The following COL6A3 variants were observed in gnomAD, a reference collection of about 807,000 sequenced individuals.
COL6A3 encodes collagen alpha-3(VI) chain.
COL6A3 carries 137 observed loss-of-function variants against 274.1 expected under a neutral mutation model. The ratio of observed to expected loss-of-function variants is 0.50; its 90% CI spans 0.44 to 0.58. The LOEUF is 0.58. Among genes scored for constraint, COL6A3 ranks in the 20% least tolerant of loss-of-function variants. The pLI is 0.00. For synonymous variants in COL6A3, 1,650 were observed against 1,650.6 expected (o/e 1.00, Z 0.01); for missense variants, 3,950 against 4,124.9 (o/e 0.96, Z 1.16).
At chr2:237,357,786 A>G in intron 22 of COL6A3, 31 bp downstream of exon 22, 1 of 1,610,078 alleles carries the variant, frequency 6.2e-7, no homozygotes, top group Non-Finnish European at 8.5e-7. Flanking sequence ...CCCTCAGTAC[A>G]GGGAGAGTCT....
At chr2:237,385,827 T>C (rs2078130531) in intron 4 of COL6A3, among the ~76,000 whole-genome samples, 1 of 152,182 alleles carries the variant, frequency 6.6e-6, no homozygotes, top group Non-Finnish European at 1.5e-5. Flanking sequence ...TCCATTTGCA[T>C]TCAGAACATT....
intron 31 of COL6A3, among the ~76,000 whole-genome samples, 181 bp downstream of exon 31, chr2:237,347,626 G>A (rs974245451): frequency 6.6e-6 from 1 of 152,206 alleles, no homozygotes; most frequent in Non-Finnish European, 1.5e-5. Flanking sequence ...GAGAGCCATG[G>A]ACCACAGCCA....
At position 237,343,514 on chromosome 2, in the gene COL6A3, CAAAAAAAAAAAAAAAAA is replaced by C. The variant is rs56037595; in HGVS notation, c.7668+819_7668+835del. The C allele has an allele frequency of 4.3e-4, 18 of 42,168 alleles. 1 individual carries two copies. Among genetic ancestry groups the C allele is most frequent in the African/African-American group, 1.5e-3 (15 of 10,186 alleles). The allele number at this position is 42,168 out of a possible 1,614,324, so 2.6% of individuals were successfully genotyped here. A position where few individuals can be genotyped will look rare whatever the true frequency, so the allele number is the denominator to read the frequency against. On this transcript the variant is annotated intron_variant, in intron 36 of 43. Coordinates refer to ENST00000295550, the MANE Select transcript of COL6A3 (RefSeq NM_004369.4). ...TGGGTGACAGAGCAAGACTCTGTCT[CAAAAAAAAAAAAAAAAA>C]AAAAAAAAAAAAAAAAAAAAAAAAA...
chr2:237,335,227 T>C (rs1470829296), intron 40 of COL6A3, among the ~76,000 whole-genome samples: 1 of 152,232 alleles, frequency 6.6e-6, no homozygotes, highest in Non-Finnish European at 1.5e-5. Flanking sequence ...ATTTAAAATA[T>C]ATTAAGTCAT....
At chr2:237,330,565 G>T (rs1480682606) in intron 42 of COL6A3, among the ~76,000 whole-genome samples, 3 of 152,172 alleles carry the variant, frequency 2.0e-5, no homozygotes, top group Non-Finnish European at 4.4e-5. Flanking sequence ...AATCCTGAGT[G>T]GTTGCTAACG....
Position 237,361,850 on chromosome 2 carries a change from A to G in COL6A3, c.6064-19T>C. On this transcript the variant is annotated intron_variant, in intron 14 of 43. Transcript: ENST00000295550. The surrounding 1 kb of genome is among the most constrained non-coding windows in gnomAD (Gnocchi z 5.1). The stretch of plus-strand genomic sequence containing the variant: ...TGTTGTCCTACCGAAAGGAAGAGAA[A>G]CCAAATGTTCAGATCTCAAGAAATG... The G allele has an allele frequency of 1.9e-6, 3 of 1,608,300 alleles. No homozygotes were observed. Among genetic ancestry groups the G allele is most frequent in the African/African-American group, 2.7e-5 (2 of 74,936 alleles).
At chr2:237,345,014 T>C (rs998312482) in intron 34 of COL6A3, 44 bp downstream of exon 34, 4 of 1,614,196 alleles carry the variant, frequency 2.5e-6, no homozygotes, top group South Asian at 1.1e-5. Context: ...GAATTTCGAA[T>C]GTAAAAATAT....
In COL6A3 at chr2:237,381,061, T is replaced by C. The variant is rs375285237; in HGVS notation, c.1751A>G (p.Asn584Ser). The change falls in exon 5 of 44, where the codon AAC (asparagine) becomes AGC (serine). Residue 584 changes from asparagine to serine, a missense_variant. Coordinates refer to ENST00000295550, the MANE Select transcript of COL6A3 (RefSeq NM_004369.4). ...CAGCTCAGCCTGATCGGCACCCTTG[T>C]TCCCAATGGCAAAGGCCATTATGCT... is the stretch of plus-strand genomic sequence containing the variant. ...RSSIMAFAIG[N>S]KGADQAELEE... 89 of 1,614,110 alleles carry C rather than the reference T, an allele frequency of 5.5e-5. No homozygotes were observed. Among genetic ancestry groups the C allele is most frequent in the Non-Finnish European group, 7.3e-5 (86 of 1,180,042 alleles).
intron 1 of COL6A3, among the ~76,000 whole-genome samples, chr2:237,408,322 C>T (rs1056759311): frequency 3.3e-5 from 5 of 152,184 alleles, no homozygotes; most frequent in Admixed American, 6.5e-5. Flanking sequence ...GCCTGTTGCT[C>T]GAACAGGCCA....
chr2:237,324,585 G>A lies in COL6A3; in HGVS notation c.*189C>T, dbSNP rs868325222. ...AGAACTGCCTGGAGACAGAGAGCGAGGGTCCACAGACACATTAGCACCATA... is the reference window on the plus strand; with the variant it reads ...AGAACTGCCTGGAGACAGAGAGCGAAGGTCCACAGACACATTAGCACCATA... On this transcript the variant is annotated 3_prime_UTR_variant, in exon 44 of 44. Coordinates refer to ENST00000295550, the MANE Select transcript of COL6A3 (RefSeq NM_004369.4). The A allele has an allele frequency of 1.6e-6, 1 of 611,260 alleles. No individual in the cohort carries two copies. Among genetic ancestry groups the A allele is most frequent in the Middle Eastern group, 2.5e-4 (1 of 3,926 alleles). 37.9% of individuals were successfully genotyped at this position (611,260 alleles called of 1,614,324 possible).
intron 5 of COL6A3, 27 bp downstream of exon 5, chr2:237,380,888 G>T (rs756944175): frequency 8.7e-6 from 14 of 1,605,378 alleles, no homozygotes; most frequent in African/African-American, 2.7e-5. Flanking sequence ...CCACCCCATT[G>T]TGTGTCTGAA....
Position 237,381,135 on chromosome 2 carries a change from A to G in COL6A3, c.1677T>C (p.Gly559=). ...GCTGGCTGATTTCATCTAGGGACTT[A>G]CCACCTGTGATCAGCACCAAAAGCT... The part of the protein sequence containing the change: ...IPKLLVLITG[G]KSLDEISQPA... The change falls in exon 5 of 44, where the codon GGT becomes GGC. Residue 559 remains glycine, a synonymous_variant. Coordinates refer to ENST00000295550, the MANE Select transcript of COL6A3 (RefSeq NM_004369.4). 1 of 1,614,220 alleles carries G rather than the reference A, an allele frequency of 6.2e-7. No homozygotes were observed. Among genetic ancestry groups the G allele is most frequent in the Admixed American group, 1.7e-5 (1 of 60,024 alleles).
intron 3 of COL6A3, among the ~76,000 whole-genome samples, chr2:237,394,384 C>G (rs2078372106): frequency 6.6e-6 from 1 of 152,170 alleles, no homozygotes; most frequent in East Asian, 1.9e-4. Context: ...AAAAAAGACT[C>G]TTCTTGTATG....
rs117521066 is a variant in COL6A3, at chr2:237,396,712, G to A, written c.91+15C>T. 714 of 1,613,176 alleles carry A rather than the reference G, an allele frequency of 4.4e-4. 5 individuals are homozygous for A. The East Asian group carries it at 0.016, about 36-fold the overall frequency. On this transcript the variant is annotated intron_variant, in intron 2 of 43. Coordinates refer to ENST00000295550, the MANE Select transcript of COL6A3 (RefSeq NM_004369.4). Reference sequence around the variant, plus strand: ...TATTCCTTTTTACAAAATCAAGGACGTTTCTGGCTCTTACCTGCTTGCTGC... The same window carrying A: ...TATTCCTTTTTACAAAATCAAGGACATTTCTGGCTCTTACCTGCTTGCTGC...
At chr2:237,372,640 C>A (rs913615230) in intron 8 of COL6A3, among the ~76,000 whole-genome samples, 5 of 152,220 alleles carry the variant, frequency 3.3e-5, no homozygotes, top group Non-Finnish European at 7.3e-5. Context: ...ACCCGAGGGT[C>A]AGCCACTGGG....
chr2:237,363,366 G>A lies in COL6A3; in HGVS notation c.5950C>T (p.Arg1984Ter), dbSNP rs771941724. Residue 1984 changes from arginine to a stop codon, truncating the protein, a stop_gained, in exon 14 of 44, where the codon CGA becomes TGA. Coordinates refer to ENST00000295550, the MANE Select transcript of COL6A3 (RefSeq NM_004369.4). LOFTEE classifies it high-confidence loss of function. ...VRALILVGLE[R>*]VVNLERLMHL... ...ATTAGCCGCTCCAAGTTGACCACTC[G>A]TTCAAGGCCCACCAGGATCAAGGCA... 7 of 1,613,948 alleles carry A rather than the reference G, an allele frequency of 4.3e-6. No individual in the cohort carries two copies. Among genetic ancestry groups the A allele is most frequent in the African/African-American group, 1.3e-5 (1 of 74,902 alleles).
chr2:237,329,983 T>C lies in COL6A3; in HGVS notation c.9328+3467A>G, dbSNP rs536394602. 2.6e-5 allele frequency: 4 copies of C among 152,312 alleles called. No homozygotes were observed. The East Asian group carries it at 7.7e-4, about 29-fold the overall frequency. The allele number at this position is 152,312 out of a possible 1,614,324, so 9.4% of individuals were successfully genotyped here. ...TTCTACAGATTGCTAATTTCAAGAATAAATAATAAAGGACATGGTGATTTT... is the reference window on the plus strand; with the variant it reads ...TTCTACAGATTGCTAATTTCAAGAACAAATAATAAAGGACATGGTGATTTT... On this transcript the variant is annotated intron_variant, in intron 42 of 43. Coordinates refer to ENST00000295550, the MANE Select transcript of COL6A3 (RefSeq NM_004369.4).
chr2:237,386,318 C>G (rs1394614309), intron 4 of COL6A3: 1 of 152,206 alleles, frequency 6.6e-6, no homozygotes, highest in South Asian at 2.1e-4. Context: ...AAATCTTCTA[C>G]TCTTAATTTC....
At chr2:237,333,909 G>A (rs10201060) in intron 41 of COL6A3, among the ~76,000 whole-genome samples, 20,038 of 152,170 alleles carry the variant, frequency 0.13, 1,477 homozygotes, top group African/African-American at 0.2. Flanking sequence ...CTTTCCTCAA[G>A]CTGGTTCCTT....
Sources: gnomAD v4.1 joint callset for allele counts (sites outside exome capture counted in the v4.1 genomes callset) on GRCh38, gnomAD v4.1.1 for gene constraint, Gnocchi (gnomAD v3.1) non-coding constraint, MANE v1.5 for transcripts, NCBI Gene and HGNC (gene_info 2026-07-23, HGNC 2026-07-21) for gene names.